The following NCOR1 variants were observed in gnomAD, a reference collection of about 807,000 sequenced individuals.
NCOR1 encodes the protein protein phosphatase 1, regulatory subunit 109.
A neutral mutation model predicts 288.1 loss-of-function variants in NCOR1; 63 were observed. The observed-to-expected ratio is 0.22, with a 90% confidence interval of 0.18 to 0.27. The LOEUF is 0.27. Among genes scored for constraint, NCOR1 ranks in the 10% least tolerant of loss-of-function variants. The pLI, the probability that NCOR1 is intolerant of heterozygous loss-of-function variation, is 1.00. For missense variants in NCOR1, 2,397 were observed against 3,019.2 expected, an observed-to-expected ratio of 0.79 and a Z score of 4.83; for synonymous variants, 1,007 against 1,065.9, an observed-to-expected ratio of 0.94 and a Z score of 1.08.
chr17:16,070,743 C>T (rs971528109), intron 30 of NCOR1, among the ~76,000 whole-genome samples: 3 of 152,092 alleles, frequency 2.0e-5, no homozygotes, highest in Non-Finnish European at 4.4e-5. Flanking sequence ...ATAAGAAGTA[C>T]ACAAGGCCAG....
At chr17:16,108,195 A>AAC (rs1490549957) in intron 19 of NCOR1, 1 of 240,692 alleles carries the variant, frequency 4.2e-6, no homozygotes, top group East Asian at 1.0e-4. Flanking sequence ...AAAAAAAAAA[A>AAC]AATCCACAGA....
intron 18 of NCOR1, among the ~76,000 whole-genome samples, chr17:16,113,164 C>A (rs551858405): frequency 2.2e-4 from 34 of 152,076 alleles, no homozygotes; most frequent in African/African-American, 8.2e-4. Flanking sequence ...TTCTGCCCTC[C>A]TCAGCCTCCC....
chr17:16,077,082 A>G (rs1015454648), intron 26 of NCOR1, among the ~76,000 whole-genome samples: 1 of 152,098 alleles, frequency 6.6e-6, no homozygotes, highest in African/African-American at 2.4e-5. Context: ...TATGCAGGGA[A>G]AATTCTTCCA....
intron 14 of NCOR1, among the ~76,000 whole-genome samples, chr17:16,128,081 CATTTTTATTTAATTCAGAA>C (rs1158139301): frequency 6.6e-6 from 1 of 152,082 alleles, no homozygotes; most frequent in African/African-American, 2.4e-5. Flanking sequence ...GACTGGCCTG[CATTTTTATTTAATTCAGAA>C]ATCAAAACTG....
At chr17:16,083,861 G>A (rs73280225) in intron 23 of NCOR1, among the ~76,000 whole-genome samples, 1 of 151,986 alleles carries the variant, frequency 6.6e-6, no homozygotes, top group East Asian at 1.9e-4. Flanking sequence ...TCATGTTTGG[G>A]GGGGGAAATA....
intron 6 of NCOR1, among the ~76,000 whole-genome samples, chr17:16,153,770 T>C (rs771334512): frequency 4.6e-5 from 7 of 152,128 alleles, no homozygotes; most frequent in Admixed American, 6.5e-5. Flanking sequence ...CCAAACATTC[T>C]ACATACTTTA....
intron 10 of NCOR1, among the ~76,000 whole-genome samples, chr17:16,145,583 C>T (rs865908871): frequency 2.3e-4 from 29 of 126,748 alleles, no homozygotes; most frequent in African/African-American, 6.1e-4. Flanking sequence ...CGTCTCTGCC[C>T]GGCTGCCCAG....
At chr17:16,136,806 C>CAAAAAA (rs60523446) in intron 14 of NCOR1, among the ~76,000 whole-genome samples, 6 of 111,804 alleles carry the variant, frequency 5.4e-5, no homozygotes, top group African/African-American at 2.2e-4. Context: ...GACTCTGTTT[C>CAAAAAA]AAAAAAAAAA....
chr17:16,215,016 C>T (rs968696914), intron 1 of NCOR1, among the ~76,000 whole-genome samples: 2 of 152,368 alleles, frequency 1.3e-5, no homozygotes, highest in African/African-American at 4.8e-5. Flanking sequence ...CCGGCCCCAC[C>T]CGGGGCACCG....
intron 9 of NCOR1, among the ~76,000 whole-genome samples, chr17:16,146,975 G>A (rs937612683): frequency 6.6e-6 from 1 of 152,058 alleles, no homozygotes; most frequent in Non-Finnish European, 1.5e-5. Flanking sequence ...TCCAATCTGC[G>A]AAACAAAACA....
At chr17:16,207,348 G>C (rs1325143732) in intron 1 of NCOR1, among the ~76,000 whole-genome samples, 2 of 152,152 alleles carry the variant, frequency 1.3e-5, no homozygotes, top group African/African-American at 2.4e-5. Flanking sequence ...ATAATGGCAA[G>C]AAGAATGTCT....
chr17:16,103,188 G>A (rs1258849048), intron 19 of NCOR1, among the ~76,000 whole-genome samples: 1 of 152,004 alleles, frequency 6.6e-6, no homozygotes, highest in Non-Finnish European at 1.5e-5. Context: ...CTTTTCTAGG[G>A]TTTACTATCC....
intron 40 of NCOR1, among the ~76,000 whole-genome samples, chr17:16,055,930 T>A (rs1160918210): frequency 6.6e-6 from 1 of 152,114 alleles, no homozygotes; most frequent in Non-Finnish European, 1.5e-5. Flanking sequence ...ATTATCCAGT[T>A]TGGGGGTCGG....
At chr17:16,135,642 T>C (rs1008239112) in intron 14 of NCOR1, among the ~76,000 whole-genome samples, 1 of 152,228 alleles carries the variant, frequency 6.6e-6, no homozygotes, top group Admixed American at 6.5e-5. Context: ...CTTGGCTTAC[T>C]CAACCTCTAA....
chr17:16,181,096 T>C (rs543752997), intron 3 of NCOR1, among the ~76,000 whole-genome samples: 56 of 151,608 alleles, frequency 3.7e-4, no homozygotes, highest in Admixed American at 3.2e-3. Context: ...GAGGTGGAGG[T>C]TGCAGTGAAC....
At chr17:16,123,210 T>C (rs573130032) in intron 15 of NCOR1, among the ~76,000 whole-genome samples, 4 of 152,224 alleles carry the variant, frequency 2.6e-5, no homozygotes, top group Non-Finnish European at 5.9e-5. Context: ...ATTCCTACCA[T>C]GTTCATCATC....
chr17:16,066,280 A>G (rs1157765144), intron 32 of NCOR1, among the ~76,000 whole-genome samples: 1 of 152,242 alleles, frequency 6.6e-6, no homozygotes, highest in South Asian at 2.1e-4. Context: ...TACGGAAAAA[A>G]AGAATAAATG....
chr17:16,056,223 G>A (rs11657857), intron 40 of NCOR1, among the ~76,000 whole-genome samples: 15,924 of 151,586 alleles, frequency 0.11, 1,138 homozygotes, highest in Middle Eastern at 0.17. Flanking sequence ...CATTACTCTG[G>A]CTCATGTGTC....
intron 1 of NCOR1, among the ~76,000 whole-genome samples, chr17:16,195,942 T>TA (rs1463209097): frequency 1.3e-5 from 2 of 151,874 alleles, no homozygotes; most frequent in Admixed American, 6.6e-5. Flanking sequence ...TACATATGTA[T>TA]AAAAATGTGT....
Sources: allele counts gnomAD v4.1 joint callset (sites outside exome capture counted in the v4.1 genomes callset), GRCh38; gene constraint gnomAD v4.1.1; transcripts MANE v1.5; gene names NCBI Gene and HGNC (gene_info 2026-07-23, HGNC 2026-07-21).